The following USPL1 variants were observed in gnomAD, a reference collection of about 807,000 sequenced individuals.
The protein encoded by USPL1 is ubiquitin specific peptidase like 1, also known as SUMO-specific isopeptidase USPL1.
USPL1 carries 27 observed loss-of-function variants against 51.5 expected under a neutral mutation model. That is an observed-to-expected ratio of 0.52 (90% CI 0.39 to 0.72). The LOEUF (loss-of-function observed/expected upper bound fraction) is 0.72. USPL1 is among the 30% of genes least tolerant of loss of function. The probability of loss-of-function intolerance (pLI) is 0.00; values close to 1 mark genes in which losing one functional copy is unlikely to be tolerated. For missense variants in USPL1, 1,226 were observed against 1,268.0 expected, an observed-to-expected ratio of 0.97 and a Z score of 0.50; for synonymous variants, 451 against 459.6, an observed-to-expected ratio of 0.98 and a Z score of 0.24.
rs1951186476 is a variant in USPL1, at chr13:30,657,829, A to G, written c.1752A>G (p.Leu584=). 1.9e-6 allele frequency: 3 copies of G among 1,613,860 alleles called. No homozygotes were observed. The highest frequency in any genetic ancestry group is 2.5e-6 in the Non-Finnish European group (3 of 1,180,038). The part of the protein sequence containing the change: ...SGPKGLVDNI[L]PLTLEETIQK... ...CAAAAGGTTTGGTTGACAATATTTT[A>G]CCTCTGACACTTGAAGAAACTATCC... is the stretch of plus-strand genomic sequence containing the variant. The change falls in exon 9 of 9, where the codon TTA becomes TTG. Residue 584 remains leucine (L), a synonymous_variant. Coordinates refer to ENST00000255304, the MANE Select transcript of USPL1 (RefSeq NM_005800.5).
chr13:30,643,006 G>A (rs961121141), intron 6 of USPL1, among the ~76,000 whole-genome samples: 1 of 152,192 alleles, frequency 6.6e-6, no homozygotes, highest in African/African-American at 2.4e-5. Context: ...CTCTCAGAAT[G>A]CCATGAAACT....
chr13:30,655,914 GC>G (rs1484870694), intron 8 of USPL1, among the ~76,000 whole-genome samples: 1 of 152,266 alleles, frequency 6.6e-6, no homozygotes, highest in East Asian at 1.9e-4. Context: ...TATTTGCTGT[GC>G]CGCAATTACC....
In USPL1 at chr13:30,630,815, A is replaced by G; in HGVS notation, c.229-20A>G. On this transcript the variant is annotated intron_variant, in intron 3 of 8. Coordinates refer to ENST00000255304, the MANE Select transcript of USPL1 (RefSeq NM_005800.5). ...TATTTGAATTTGTGTAGTTTTTATC[A>G]TTTTATTTTTACTTTCCAGTGCATC... 2 of 1,554,778 alleles carry G rather than the reference A, an allele frequency of 1.3e-6. No individual in the cohort carries two copies. The highest frequency in any genetic ancestry group is 1.7e-6 in the Non-Finnish European group (2 of 1,154,260).
In USPL1 at chr13:30,621,059, C is replaced by CT. The variant is rs1413934847; in HGVS notation, c.-68-5dup. The CT allele has an allele frequency of 8.4e-4, 943 of 1,127,124 alleles. No homozygotes were observed. Among genetic ancestry groups the CT allele is most frequent in the Non-Finnish European group, 9.8e-4 (758 of 777,110 alleles). The allele number at this position is 1,127,124 out of a possible 1,614,324, so 69.8% of individuals were successfully genotyped here. On this transcript the variant is annotated splice_polypyrimidine_tract_variant and intron_variant, in intron 1 of 8. Transcript: ENST00000255304. Reference sequence around the variant, plus strand: ...GAATTTTTATTTAATTGTCTATTGACTTTTTTTTTCCAGGGTTCATTGAAA... The same window carrying CT: ...GAATTTTTATTTAATTGTCTATTGACTTTTTTTTTTCCAGGGTTCATTGAAA...
At chr13:30,651,794 T>TTAGTAGTGAAACAC (rs1261650728) in intron 7 of USPL1, among the ~76,000 whole-genome samples, 1 of 152,046 alleles carries the variant, frequency 6.6e-6, no homozygotes, top group Non-Finnish European at 1.5e-5. Flanking sequence ...AACCCTGTCT[T>TTAGTAGTGAAACAC]TACTAAAAAT....
chr13:30,623,853 A>G (rs1950676122), intron 3 of USPL1, among the ~76,000 whole-genome samples: 1 of 152,180 alleles, frequency 6.6e-6, no homozygotes, highest in African/African-American at 2.4e-5. Context: ...AGGAGGTGGT[A>G]TGCTTAGAGG....
Position 30,637,827 on chromosome 13 carries a change from A to G in USPL1, c.952A>G (p.Ser318Gly). 1.2e-6 allele frequency: 2 copies of G among 1,613,754 alleles called. No individual in the cohort carries two copies. The highest frequency in any genetic ancestry group is 4.5e-5 in the East Asian group (2 of 44,800). The change falls in exon 5 of 9, where the codon AGC (serine) becomes GGC (glycine). Residue 318 changes from serine to glycine, a missense_variant. Physicochemically the swap from Ser to Gly is moderately conservative, Grantham distance 56. Coordinates refer to ENST00000255304, the MANE Select transcript of USPL1 (RefSeq NM_005800.5). ...LNEVRDEIFISLQPQLRCTLG... is the reference protein window; with the variant it reads ...LNEVRDEIFIGLQPQLRCTLG... ...TGAAGTTAGAGATGAAATTTTTATT[A>G]GCCTTCAGCCCCAGCTTAGATGCAC...
At chr13:30,643,650 C>T (rs1386466461) in intron 6 of USPL1, among the ~76,000 whole-genome samples, 2 of 138,122 alleles carry the variant, frequency 1.4e-5, no homozygotes, top group Non-Finnish European at 3.1e-5. Flanking sequence ...GCTCCCGTCA[C>T]ACAGGCTGGA....
intron 3 of USPL1, among the ~76,000 whole-genome samples, chr13:30,626,239 A>G (rs1950713830): frequency 6.6e-6 from 1 of 152,112 alleles, no homozygotes; most frequent in Non-Finnish European, 1.5e-5. Context: ...GCTTGAAGCC[A>G]GTGGCAGAAG....
Position 30,658,165 on chromosome 13 carries a change from T to G in USPL1, c.2088T>G (p.Ile696Met). 5.6e-6 allele frequency: 9 copies of G among 1,613,186 alleles called. No homozygotes were observed. Among genetic ancestry groups the G allele is most frequent in the Non-Finnish European group, 7.6e-6 (9 of 1,179,846 alleles). The change falls in exon 9 of 9, where the codon ATT (isoleucine) becomes ATG (methionine). Residue 696 changes from isoleucine (I) to methionine (M), a missense_variant. Physicochemically the swap from Ile to Met is conservative, Grantham distance 10 (BLOSUM62 1). Transcript: ENST00000255304. ...GLIQGVKSVE[I>M]EKDAQLKQFL... ...TACAGGGAGTGAAGTCAGTAGAAAT[T>G]GAGAAGGACGCTCAGTTAAAACAAT...
intron 8 of USPL1, among the ~76,000 whole-genome samples, chr13:30,653,858 C>T (rs1449776015): frequency 6.6e-6 from 1 of 152,120 alleles, no homozygotes; most frequent in Non-Finnish European, 1.5e-5. Flanking sequence ...TTCACTTTGT[C>T]TTAGACAAGA....
At chr13:30,645,621 T>C (rs1335304809) in intron 6 of USPL1, among the ~76,000 whole-genome samples, 1 of 152,260 alleles carries the variant, frequency 6.6e-6, no homozygotes, top group African/African-American at 2.4e-5. Flanking sequence ...TTAAAACTTA[T>C]TTCCACTTAA....
At chr13:30,618,333 T>C (rs917990141) in intron 1 of USPL1, among the ~76,000 whole-genome samples, 2 of 152,110 alleles carry the variant, frequency 1.3e-5, no homozygotes, top group African/African-American at 4.8e-5. Flanking sequence ...TTCGGCTTCT[T>C]AGTTTGGGTG....
rs1261848006 is a variant in USPL1 at position 30,653,019 on chromosome 13, T to C, written c.1239-129T>C. The C allele has an allele frequency of 3.5e-6, 3 of 850,690 alleles. No individual in the cohort carries two copies. In the East Asian group the frequency reaches 7.7e-5, roughly 22 times the overall value. The allele number at this position is 850,690 out of a possible 1,614,324, so 52.7% of individuals were successfully genotyped here. A position where few individuals can be genotyped will look rare whatever the true frequency, so the allele number is the denominator to read the frequency against. On this transcript the variant is annotated intron_variant, in intron 7 of 8. Transcript: ENST00000255304. ...TCTAATTAAGGCACACATCTGGAGG[T>C]GCTCAAGAAAAATTAGTGCAGTTAG...
intron 6 of USPL1, among the ~76,000 whole-genome samples, chr13:30,646,656 G>T (rs977930160): frequency 6.6e-6 from 1 of 152,226 alleles, no homozygotes; most frequent in African/African-American, 2.4e-5. Flanking sequence ...GTGCTTCACA[G>T]CAAAGACTCT....
At chr13:30,641,621 A>G (rs1349926079) in intron 5 of USPL1, among the ~76,000 whole-genome samples, 1 of 152,266 alleles carries the variant, frequency 6.6e-6, no homozygotes, top group East Asian at 1.9e-4. Flanking sequence ...CTTACTTTCC[A>G]GTCTCAAAGC....
At chr13:30,643,556 A>G (rs548888057) in intron 6 of USPL1, among the ~76,000 whole-genome samples, 34 of 149,536 alleles carry the variant, frequency 2.3e-4, no homozygotes, top group Admixed American at 6.0e-4. Context: ...GACTGGCTCA[A>G]TTGTTCGTGT....
Position 30,658,800 on chromosome 13 carries a change from C to T in USPL1, c.2723C>T (p.Ser908Phe). 1 of 1,614,000 alleles carries T rather than the reference C, an allele frequency of 6.2e-7. No individual in the cohort carries two copies. Among genetic ancestry groups the T allele is most frequent in the South Asian group, 1.1e-5 (1 of 91,068 alleles). Residue 908 changes from serine to phenylalanine, a missense_variant, in exon 9 of 9, where the codon TCT (serine) becomes TTT (phenylalanine). Transcript: ENST00000255304. ...AEKKKLAALM[S>F]SPQSRTVRSE... ...AAGAAGAAATTAGCTGCTCTTATGTCTTCCCCGCAAAGCAGAACAGTTCGA... is the reference window on the plus strand; with the variant it reads ...AAGAAGAAATTAGCTGCTCTTATGTTTTCCCCGCAAAGCAGAACAGTTCGA...
chr13:30,621,873 T>G lies in USPL1; in HGVS notation c.209T>G (p.Phe70Cys). The G allele has an allele frequency of 6.4e-7, 1 of 1,557,732 alleles. No individual in the cohort carries two copies. The highest frequency in any genetic ancestry group is 8.7e-7 in the Non-Finnish European group (1 of 1,154,992). The change falls in exon 3 of 9, where the codon TTT becomes TGT. Residue 70 changes from phenylalanine (F) to cysteine (C), a missense_variant. Transcript: ENST00000255304. The stretch of plus-strand genomic sequence containing the variant: ...CGAATTAGTTTTCAAGAATCTATCT[T>G]TTTGTGTGAGGATCTGCAGGTAAAG... ...TYRISFQESI[F>C]LCEDLQCIYP...
Sources: allele counts gnomAD v4.1 joint callset (sites outside exome capture counted in the v4.1 genomes callset), GRCh38; gene constraint gnomAD v4.1.1; transcripts MANE v1.5; gene names NCBI Gene and HGNC (gene_info 2026-07-23, HGNC 2026-07-21).